Variants in ITGB6 observed in about 807,000 individuals in gnomAD.
The protein encoded by ITGB6 is integrin beta-6.
ITGB6 carries 80 observed loss-of-function variants against 84.5 expected under a neutral mutation model. The observed-to-expected ratio is 0.95, with a 90% CI of 0.79 to 1.14. ITGB6 has a LOEUF of 1.14. Ranked by LOEUF, ITGB6 falls within the 50% of genes most tolerant of loss-of-function variation. The pLI, the probability that ITGB6 is intolerant of heterozygous loss-of-function variation, is 0.00. For missense variants in ITGB6, 1,006 were observed against 968.0 expected, an observed-to-expected ratio of 1.04 and a Z score of -0.52; for synonymous variants, 383 against 354.9, an observed-to-expected ratio of 1.08 and a Z score of -0.89.
chr2:160,135,597 T>A (rs1683677059), intron 10 of ITGB6, among the ~76,000 whole-genome samples: 1 of 151,544 alleles, frequency 6.6e-6, no homozygotes, highest in East Asian at 1.9e-4. Flanking sequence ...CATTGCCAAG[T>A]CAATCCTAAG....
chr2:160,165,696 T>C (rs928939487), intron 7 of ITGB6, among the ~76,000 whole-genome samples: 1 of 152,220 alleles, frequency 6.6e-6, no homozygotes, highest in African/African-American at 2.4e-5. Flanking sequence ...TGTTTGTTTA[T>C]AGATCTAATG....
intron 6 of ITGB6, 81 bp downstream of exon 6, chr2:160,172,488 T>G (rs1685245186): frequency 3.1e-6 from 4 of 1,296,750 alleles, no homozygotes; most frequent in Non-Finnish European, 3.2e-6. Flanking sequence ...AAGTGTATGT[T>G]ATTTCACATG....
intron 5 of ITGB6, 74 bp from the exon 6 acceptor site, chr2:160,172,804 T>C: frequency 1.7e-6 from 2 of 1,187,714 alleles, no homozygotes; most frequent in Non-Finnish European, 2.5e-6. Flanking sequence ...CAATTATGCT[T>C]GGACACATTT....
intron 4 of ITGB6, among the ~76,000 whole-genome samples, chr2:160,183,158 T>C (rs1389368738): frequency 6.6e-6 from 1 of 152,190 alleles, no homozygotes; most frequent in Non-Finnish European, 1.5e-5. Flanking sequence ...ACCTTAAATG[T>C]AAATGGGCTA....
intron 4 of ITGB6, among the ~76,000 whole-genome samples, chr2:160,174,913 G>A (rs1041143122): frequency 6.6e-6 from 1 of 152,216 alleles, no homozygotes; most frequent in South Asian, 2.1e-4. Context: ...CCAGCATCAT[G>A]AGCATCACCC....
chr2:160,196,423 A>G lies in ITGB6; in HGVS notation c.142-3T>C, dbSNP rs1553489853. On this transcript the variant is annotated splice_polypyrimidine_tract_variant and splice_region_variant and intron_variant, in intron 2 of 14. Coordinates refer to ENST00000283249, the MANE Select transcript of ITGB6 (RefSeq NM_000888.5). Reference sequence around the variant, plus strand: ...ACTCCAGATGGATGAGTAAAATTCTAAAAAAGAAAAAGAAAAACAATAACC... The same window carrying G: ...ACTCCAGATGGATGAGTAAAATTCTGAAAAAGAAAAAGAAAAACAATAACC... 6.3e-7 allele frequency: 1 copy of G among 1,593,418 alleles called. No individual in the cohort carries two copies. The highest frequency in any genetic ancestry group is 8.5e-7 in the Non-Finnish European group (1 of 1,170,958).
At chr2:160,134,885 G>A (rs1037156711) in intron 10 of ITGB6, among the ~76,000 whole-genome samples, 14 of 152,116 alleles carry the variant, frequency 9.2e-5, no homozygotes, top group Admixed American at 1.3e-4. Context: ...CAATAAATTA[G>A]GTATTGATGG....
chr2:160,149,572 C>A (rs190294052), intron 7 of ITGB6, among the ~76,000 whole-genome samples: 1 of 152,156 alleles, frequency 6.6e-6, no homozygotes, highest in Non-Finnish European at 1.5e-5. Flanking sequence ...CAGCTCCTCA[C>A]CAGCAATGGA....
chr2:160,158,520 C>T (rs971861882), intron 7 of ITGB6, among the ~76,000 whole-genome samples: 2 of 152,154 alleles, frequency 1.3e-5, no homozygotes, highest in African/African-American at 2.4e-5. Flanking sequence ...ATTACCTTGC[C>T]TTTGGAGAGG....
In ITGB6 at chr2:160,159,692, C is replaced by T. The variant is rs1441725382; in HGVS notation, c.1017+9520G>A. On this transcript the variant is annotated intron_variant, in intron 7 of 14. Transcript: ENST00000283249. ...CCTTTGCTGCCTCAGGGCCTTTGCA[C>T]ACGCCTTTGCCTCTTGAAAACTCCT... 3.4e-4 allele frequency among the ~76,000 whole-genome samples: 52 copies of T among 152,272 alleles called. 1 individual carries two copies. The highest frequency in any genetic ancestry group is 1.6e-4 in the Non-Finnish European group (11 of 68,024).
At chr2:160,133,734 A>G (rs1683571994) in intron 10 of ITGB6, among the ~76,000 whole-genome samples, 1 of 152,156 alleles carries the variant, frequency 6.6e-6, no homozygotes, top group Admixed American at 6.6e-5. Context: ...TCAAACTAGA[A>G]CTCAGGATTA....
intron 8 of ITGB6, among the ~76,000 whole-genome samples, chr2:160,140,754 A>G (rs1006938948): frequency 6.6e-6 from 1 of 152,254 alleles, no homozygotes; most frequent in African/African-American, 2.4e-5. Context: ...CAAACAAAAC[A>G]AAACAAAACC....
intron 14 of ITGB6, among the ~76,000 whole-genome samples, chr2:160,103,663 A>C (rs542952375): frequency 1.2e-4 from 18 of 152,246 alleles, no homozygotes; most frequent in Admixed American, 6.5e-4. Context: ...TAAATTTGAG[A>C]CTAGAATCTA....
Position 160,107,796 on chromosome 2 carries a change from C to T in ITGB6, c.2151G>A (p.Leu717=). The T allele has an allele frequency of 1.2e-6, 2 of 1,613,844 alleles. No homozygotes were observed. Among genetic ancestry groups the T allele is most frequent in the Non-Finnish European group, 1.7e-6 (2 of 1,179,802 alleles). The part of the protein sequence containing the change: ...NIPMIMLGVS[L]AILLIGVVLL... ...GGACAACCCCGATGAGAAGAATAGCCAGGGAAACCCCTAACATGATCATGG... is the reference window on the plus strand; with the variant it reads ...GGACAACCCCGATGAGAAGAATAGCTAGGGAAACCCCTAACATGATCATGG... Residue 717 remains leucine, a synonymous_variant, in exon 14 of 15, where the codon CTG becomes CTA. Transcript: ENST00000283249.
intron 7 of ITGB6, among the ~76,000 whole-genome samples, chr2:160,164,169 T>G (rs551627484): frequency 6.6e-6 from 1 of 152,292 alleles, no homozygotes; most frequent in African/African-American, 2.4e-5. Flanking sequence ...AAATATTAGT[T>G]TACAAGTCTG....
intron 14 of ITGB6, among the ~76,000 whole-genome samples, chr2:160,106,978 G>A (rs1696932492): frequency 6.6e-6 from 1 of 152,152 alleles, no homozygotes; most frequent in African/African-American, 2.4e-5. Flanking sequence ...CTATGGAATT[G>A]TTTCTATGGG....
At chr2:160,119,712 C>T (rs1682945087) in intron 12 of ITGB6, among the ~76,000 whole-genome samples, 1 of 151,988 alleles carries the variant, frequency 6.6e-6, no homozygotes, top group African/African-American at 2.4e-5. Flanking sequence ...AAGAAACCAC[C>T]ATCAGAATGA....
intron 4 of ITGB6, among the ~76,000 whole-genome samples, chr2:160,192,811 TA>T (rs1686192621): frequency 6.6e-6 from 1 of 151,900 alleles, no homozygotes; most frequent in South Asian, 2.1e-4. Flanking sequence ...AGTCTAATCT[TA>T]AAAAAATGGG....
At chr2:160,182,367 A>G (rs1280577659) in intron 4 of ITGB6, among the ~76,000 whole-genome samples, 4 of 152,220 alleles carry the variant, frequency 2.6e-5, no homozygotes, top group African/African-American at 9.6e-5. Flanking sequence ...CAATATCTGA[A>G]TCAATCAAGG....
Sources: allele counts gnomAD v4.1 joint callset (sites outside exome capture counted in the v4.1 genomes callset), GRCh38; gene constraint gnomAD v4.1.1; transcripts MANE v1.5; gene names NCBI Gene and HGNC (gene_info 2026-07-23, HGNC 2026-07-21).